Variants in PRKD1 observed in about 807,000 individuals in gnomAD.
The protein encoded by PRKD1 is serine/threonine-protein kinase D1.
In PRKD1, 63 loss-of-function variants were observed where a neutral mutation model predicts 95.9. That is an observed-to-expected ratio of 0.66 (90% CI 0.54 to 0.81). The LOEUF (loss-of-function observed/expected upper bound fraction) is 0.81, where lower values mean the gene tolerates loss of function less well. Ranked by LOEUF, PRKD1 falls within the 30% of genes least tolerant of loss-of-function variation. The pLI, the probability that PRKD1 is intolerant of heterozygous loss-of-function variation, is 0.00. For synonymous variants in PRKD1, 425 were observed against 423.1 expected, an observed-to-expected ratio of 1.00 and a Z score of -0.05; for missense variants, 1,048 against 1,165.3, an observed-to-expected ratio of 0.90 and a Z score of 1.47.
At chr14:29,876,526 A>T (rs976275645) in intron 1 of PRKD1, among the ~76,000 whole-genome samples, 4 of 152,182 alleles carry the variant, frequency 2.6e-5, no homozygotes, top group Admixed American at 6.5e-5. Context: ...TAAAAATTGC[A>T]TGTGCAACCA....
chr14:29,684,143 G>GTTTTTTT (rs11285857), intron 2 of PRKD1, among the ~76,000 whole-genome samples: 18 of 135,792 alleles, frequency 1.3e-4, no homozygotes, highest in Non-Finnish European at 1.7e-4. Context: ...CTTTAGAATG[G>GTTTTTTT]TTTTTTTTTT....
chr14:29,707,110 G>A (rs533379637), intron 2 of PRKD1, among the ~76,000 whole-genome samples: 241 of 152,258 alleles, frequency 1.6e-3, no homozygotes, highest in Non-Finnish European at 3.0e-3. Context: ...CCATATTGCT[G>A]AAGAATTAAG....
At chr14:29,682,601 A>C (rs765126056) in intron 2 of PRKD1, among the ~76,000 whole-genome samples, 1 of 152,190 alleles carries the variant, frequency 6.6e-6, no homozygotes. Context: ...TTTGAACAGC[A>C]GTTACAGGAA....
intron 2 of PRKD1, among the ~76,000 whole-genome samples, chr14:29,677,730 A>C (rs1883315182): frequency 6.6e-6 from 1 of 152,196 alleles, no homozygotes; most frequent in South Asian, 2.1e-4. Context: ...ATGTGCCAGC[A>C]TGCCAAGCTA....
chr14:29,903,149 A>T (rs185877775), intron 1 of PRKD1, among the ~76,000 whole-genome samples: 1 of 152,286 alleles, frequency 6.6e-6, no homozygotes, highest in East Asian at 1.9e-4. Context: ...CTTGGGATTA[A>T]AATTTAACAG....
At position 29,578,318 on chromosome 14, in the gene PRKD1, T is replaced by C; in HGVS notation, c.2477A>G (p.Lys826Arg). 1 of 1,610,838 alleles carries C rather than the reference T, an allele frequency of 6.2e-7. No homozygotes were observed. The highest frequency in any genetic ancestry group is 8.5e-7 in the Non-Finnish European group (1 of 1,178,588). ...INNLLQVKMRKRYSVDKTLSH... is the reference protein window; with the variant it reads ...INNLLQVKMRRRYSVDKTLSH... ...CAAGGTCTTATCCACACTGTAGCGC[T>C]TTCTCATTTTTACTTGCAGCAAATT... The change falls in exon 17 of 18, where the codon AAG becomes AGG. Residue 826 changes from lysine to arginine, a missense_variant. Lys to Arg is a conservative substitution (Grantham distance 26). This residue lies in a region of PRKD1 where 739 missense variants were observed against 861.9 expected (regional missense o/e 0.86). Coordinates refer to ENST00000331968, the MANE Select transcript of PRKD1 (RefSeq NM_002742.3).
chr14:29,715,374 T>C (rs1885554953), intron 2 of PRKD1, among the ~76,000 whole-genome samples: 1 of 152,112 alleles, frequency 6.6e-6, no homozygotes, highest in Non-Finnish European at 1.5e-5. Context: ...CACATGTCTC[T>C]ATTGAACACT....
chr14:29,747,542 T>C (rs1887285474), intron 1 of PRKD1, among the ~76,000 whole-genome samples: 1 of 151,938 alleles, frequency 6.6e-6, no homozygotes. Context: ...AAGGTAGAAA[T>C]AGCCCAAATG....
chr14:29,679,468 A>G (rs1883410045), intron 2 of PRKD1, among the ~76,000 whole-genome samples: 2 of 152,178 alleles, frequency 1.3e-5, no homozygotes, highest in Non-Finnish European at 2.9e-5. Context: ...CTAAACAAAT[A>G]CAGCATCCTC....
intron 1 of PRKD1, among the ~76,000 whole-genome samples, chr14:29,902,138 A>G (rs907430877): frequency 6.6e-6 from 1 of 152,108 alleles, no homozygotes; most frequent in Non-Finnish European, 1.5e-5. Flanking sequence ...ACACACCTGG[A>G]ATCCCAGCTA....
At chr14:29,783,409 C>T (rs1889135208) in intron 1 of PRKD1, among the ~76,000 whole-genome samples, 1 of 151,984 alleles carries the variant, frequency 6.6e-6, no homozygotes, top group South Asian at 2.1e-4. Context: ...TGATGAATTC[C>T]TAAGTTGATT....
chr14:29,739,934 C>T (rs1886909024), intron 1 of PRKD1, among the ~76,000 whole-genome samples: 1 of 152,130 alleles, frequency 6.6e-6, no homozygotes, highest in South Asian at 2.1e-4. Context: ...TGTGTATAGA[C>T]TTCCTGGAGG....
intron 1 of PRKD1, among the ~76,000 whole-genome samples, chr14:29,791,955 C>A (rs181994893): frequency 2.6e-4 from 40 of 152,176 alleles, no homozygotes; most frequent in Middle Eastern, 3.4e-3. Flanking sequence ...ATGTTCTCAC[C>A]AGCAGTGTAT....
intron 1 of PRKD1, among the ~76,000 whole-genome samples, chr14:29,801,924 G>T (rs1343083480): frequency 6.6e-6 from 1 of 152,200 alleles, no homozygotes; most frequent in African/African-American, 2.4e-5. Context: ...CTGACCTCAG[G>T]TGATCCACCC....
chr14:29,854,428 GA>G (rs1464068202), intron 1 of PRKD1, among the ~76,000 whole-genome samples: 3 of 152,146 alleles, frequency 2.0e-5, no homozygotes, highest in Non-Finnish European at 4.4e-5. Flanking sequence ...GAGATGTGTG[GA>G]ACTTTGAACT....
At chr14:29,721,431 C>T (rs1344185626) in intron 2 of PRKD1, among the ~76,000 whole-genome samples, 1 of 152,088 alleles carries the variant, frequency 6.6e-6, no homozygotes, top group Non-Finnish European at 1.5e-5. Flanking sequence ...ATTTAACTAC[C>T]TACAAGATAC....
Position 29,919,920 on chromosome 14 carries a change from G to A in PRKD1, c.264+7329C>T, listed in dbSNP as rs144128940. The stretch of plus-strand genomic sequence containing the variant: ...AGTTGAGGCTGCAGTGAGCTCAGAC[G>A]GTGCCACTGCACTCCAGCCTGAGTG... On this transcript the variant is annotated intron_variant, in intron 1 of 17. Coordinates refer to ENST00000331968, the MANE Select transcript of PRKD1 (RefSeq NM_002742.3). Among the ~76,000 whole-genome samples the A allele has an allele frequency of 3.0e-3, 448 of 151,620 alleles. 2 individuals are homozygous for A. The highest frequency in any genetic ancestry group is 0.01 in the African/African-American group (418 of 41,288).
chr14:29,599,921 C>G (rs1893455361), intron 13 of PRKD1, 104 bp from the exon 14 acceptor site: 2 of 1,033,304 alleles, frequency 1.9e-6, no homozygotes, highest in African/African-American at 3.3e-5. Context: ...TATAGAGAAA[C>G]CCACACTTAA....
intron 2 of PRKD1, among the ~76,000 whole-genome samples, chr14:29,670,949 G>T (rs1395276535): frequency 6.6e-6 from 1 of 152,128 alleles, no homozygotes; most frequent in African/African-American, 2.4e-5. Flanking sequence ...TTTCAGATGG[G>T]TGCTGAAAAT....
Sources: gnomAD v4.1 joint callset for allele counts (sites outside exome capture counted in the v4.1 genomes callset) on GRCh38, gnomAD v4.1.1 for gene constraint, gnomAD v4.1.1 regional missense constraint, MANE v1.5 for transcripts, NCBI Gene and HGNC (gene_info 2026-07-23, HGNC 2026-07-21) for gene names.